The following SUCLG2 variants were observed in gnomAD, a reference collection of about 807,000 sequenced individuals.
SUCLG2 encodes the protein succinate-CoA ligase GDP-forming subunit beta.
SUCLG2 carries 42 observed loss-of-function variants against 47.9 expected under a neutral mutation model. The ratio of observed to expected loss-of-function variants is 0.88; its 90% CI spans 0.69 to 1.14. The LOEUF (loss-of-function observed/expected upper bound fraction) is 1.14. SUCLG2 is among the 50% of genes most tolerant of loss of function. The pLI is 0.00. For synonymous variants in SUCLG2, 195 were observed against 197.3 expected (o/e 0.99, Z 0.10); for missense variants, 571 against 525.9 (o/e 1.09, Z -0.84).
At chr3:67,581,058 T>G (rs1575793732) in intron 2 of SUCLG2, among the ~76,000 whole-genome samples, 1 of 152,206 alleles carries the variant, frequency 6.6e-6, no homozygotes, top group Non-Finnish European at 1.5e-5. Flanking sequence ...TGGTGCTAAC[T>G]TCTTCTGAAG....
intron 9 of SUCLG2, among the ~76,000 whole-genome samples, chr3:67,453,701 C>T (rs932025647): frequency 1.3e-5 from 2 of 152,176 alleles, no homozygotes; most frequent in Middle Eastern, 3.2e-3. Context: ...TCTTCCAATG[C>T]AGTTATTTTC....
In SUCLG2 at chr3:67,645,035, A is replaced by AT. The variant is rs551067300; in HGVS notation, c.84+9467_84+9468insA. On this transcript the variant is annotated intron_variant, in intron 1 of 10. Transcript: ENST00000307227. ...GACAACACATCTTCAAGAAAGGAACACTATGACTCTTGGCTTACCATAAGC... is the reference window on the plus strand; with the variant it reads ...GACAACACATCTTCAAGAAAGGAACATCTATGACTCTTGGCTTACCATAAGC... 1.4e-3 allele frequency among the ~76,000 whole-genome samples: 213 copies of AT among 152,316 alleles called. 1 individual carries two copies. Among genetic ancestry groups the AT allele is most frequent in the Admixed American group, 3.5e-3 (53 of 15,306 alleles).
chr3:67,472,674 A>G (rs1012689433), intron 9 of SUCLG2, among the ~76,000 whole-genome samples: 4 of 152,276 alleles, frequency 2.6e-5, no homozygotes, highest in Admixed American at 1.3e-4. Context: ...ACAGAAGCCA[A>G]TCAATCTTAA....
chr3:67,653,687 G>A (rs1575847569), intron 1 of SUCLG2, among the ~76,000 whole-genome samples: 1 of 152,218 alleles, frequency 6.6e-6, no homozygotes, highest in African/African-American at 2.4e-5. Context: ...AGTCTACGGA[G>A]ACTAACCAGT....
chr3:67,488,900 C>A (rs553246917), intron 9 of SUCLG2, among the ~76,000 whole-genome samples: 3 of 152,140 alleles, frequency 2.0e-5, no homozygotes, highest in African/African-American at 7.2e-5. Flanking sequence ...CTGGGACTAA[C>A]GACAAAATTT....
chr3:67,551,038 A>G (rs192624792), intron 2 of SUCLG2, among the ~76,000 whole-genome samples: 2 of 152,346 alleles, frequency 1.3e-5, no homozygotes, highest in East Asian at 3.9e-4. Context: ...GGGCAAAATA[A>G]TTTTTGTAAT....
At chr3:67,393,363 G>C (rs1483989554) in intron 10 of SUCLG2, among the ~76,000 whole-genome samples, 3 of 152,270 alleles carry the variant, frequency 2.0e-5, no homozygotes, top group Admixed American at 6.5e-5. Flanking sequence ...CGCACCAGGA[G>C]ATTATATCCC....
chr3:67,518,490 A>G (rs1322915731), intron 5 of SUCLG2, among the ~76,000 whole-genome samples, 154 bp from the exon 6 acceptor site: 2 of 152,258 alleles, frequency 1.3e-5, no homozygotes, highest in East Asian at 3.8e-4. Flanking sequence ...AGATGCCTGT[A>G]GGGTATGTTT....
intron 9 of SUCLG2, among the ~76,000 whole-genome samples, chr3:67,448,709 C>CA (rs1703985596): frequency 1.3e-5 from 2 of 152,122 alleles, no homozygotes; most frequent in South Asian, 4.1e-4. Flanking sequence ...TTACTTCTAA[C>CA]AATTTATCAG....
intron 9 of SUCLG2, among the ~76,000 whole-genome samples, chr3:67,477,276 A>C (rs972604401): frequency 6.6e-6 from 1 of 152,116 alleles, no homozygotes; most frequent in Non-Finnish European, 1.5e-5. Context: ...AGATGCTTCT[A>C]ATGTGTACAA....
intron 2 of SUCLG2, among the ~76,000 whole-genome samples, chr3:67,529,967 A>C (rs2107149134): frequency 6.6e-6 from 1 of 152,360 alleles, no homozygotes; most frequent in East Asian, 1.9e-4. Context: ...TCCCCTCCCC[A>C]ACCACCAAAA....
intron 4 of SUCLG2, among the ~76,000 whole-genome samples, chr3:67,523,358 A>T (rs1281501441): frequency 2.0e-5 from 3 of 152,206 alleles, no homozygotes; most frequent in Non-Finnish European, 2.9e-5. Context: ...ATAAGTATAT[A>T]AAAACTGTTT....
intron 2 of SUCLG2, among the ~76,000 whole-genome samples, chr3:67,593,508 C>T (rs116756749): frequency 0.016 from 2,462 of 152,296 alleles, 63 homozygotes; most frequent in African/African-American, 0.056. Flanking sequence ...CCGAGCTGTC[C>T]ATCCAAAACA....
chr3:67,405,225 G>A (rs1702776721), intron 9 of SUCLG2, among the ~76,000 whole-genome samples: 1 of 152,202 alleles, frequency 6.6e-6, no homozygotes, highest in Admixed American at 6.5e-5. Context: ...AGCTGTGCAG[G>A]TGGTCAGGCA....
chr3:67,643,692 T>A (rs964304217), intron 1 of SUCLG2, among the ~76,000 whole-genome samples: 1 of 152,208 alleles, frequency 6.6e-6, no homozygotes, highest in Non-Finnish European at 1.5e-5. Context: ...CAAATGAGAC[T>A]GTAGGTTCCT....
chr3:67,644,170 C>T (rs570304609), intron 1 of SUCLG2, among the ~76,000 whole-genome samples: 2 of 152,210 alleles, frequency 1.3e-5, no homozygotes, highest in Admixed American at 6.5e-5. Flanking sequence ...AGGTATACCT[C>T]CACGGAACAC....
At chr3:67,558,858 A>T (rs149690362) in intron 2 of SUCLG2, among the ~76,000 whole-genome samples, 54 of 152,272 alleles carry the variant, frequency 3.5e-4, no homozygotes, top group African/African-American at 1.3e-3. Flanking sequence ...CCCTTACCAT[A>T]TGGTATAATT....
chr3:67,428,375 A>C (rs374501136), intron 9 of SUCLG2, among the ~76,000 whole-genome samples: 1 of 152,216 alleles, frequency 6.6e-6, no homozygotes. Context: ...ACCTGCAGCT[A>C]AGGGTCCTGA....
intron 9 of SUCLG2, among the ~76,000 whole-genome samples, chr3:67,419,175 G>T (rs1042736740): frequency 6.6e-6 from 1 of 152,142 alleles, no homozygotes; most frequent in African/African-American, 2.4e-5. Context: ...AATTTACAAA[G>T]AAACTGACTT....
Sources: gnomAD v4.1 joint callset for allele counts (sites outside exome capture counted in the v4.1 genomes callset) on GRCh38, gnomAD v4.1.1 for gene constraint, MANE v1.5 for transcripts, NCBI Gene and HGNC (gene_info 2026-07-23, HGNC 2026-07-21) for gene names.